The following AKAP6 variants were observed in gnomAD, a reference collection of about 807,000 sequenced individuals.
AKAP6 encodes A-kinase anchor protein 6.
Under a neutral mutation model 188.5 loss-of-function variants are expected in AKAP6, and 58 were observed. The ratio of observed to expected loss-of-function variants is 0.31; its 90% CI spans 0.25 to 0.38. The LOEUF (loss-of-function observed/expected upper bound fraction) is 0.38, where lower values mean the gene tolerates loss of function less well. Among genes scored for constraint, AKAP6 ranks in the 10% least tolerant of loss-of-function variants. AKAP6 has a pLI of 1.00. For missense variants in AKAP6, 2,710 were observed against 2,740.0 expected (o/e 0.99, Z 0.24); for synonymous variants, 989 against 998.6 (o/e 0.99, Z 0.18).
chr14:32,745,265 T>G lies in AKAP6; in HGVS notation c.3372+9383T>G, dbSNP rs370146011. On this transcript the variant is annotated intron_variant, in intron 11 of 13. Transcript: ENST00000280979. ...CTTCTTGGGAAGGCTTTCCAGATAT[T>G]TGAAATGACTAGGGTGTTGTGATCT... Among the ~76,000 whole-genome samples, 90 of 152,216 alleles carry G rather than the reference T, an allele frequency of 5.9e-4. 1 individual carries two copies. Among genetic ancestry groups the G allele is most frequent in the African/African-American group, 2.1e-3 (86 of 41,554 alleles).
chr14:32,657,329 A>G (rs1888497426), intron 7 of AKAP6, among the ~76,000 whole-genome samples: 1 of 152,178 alleles, frequency 6.6e-6, no homozygotes, highest in Admixed American at 6.6e-5. Context: ...GAACAAGAAG[A>G]GAGAAGCGCA....
At chr14:32,600,840 T>C in intron 7 of AKAP6, 48 bp downstream of exon 7, 1 of 1,543,072 alleles carries the variant, frequency 6.5e-7, no homozygotes, top group East Asian at 2.3e-5. Context: ...CTGTCTTCTT[T>C]TGAACTAGGC....
At chr14:32,746,227 C>G (rs2031904664) in intron 11 of AKAP6, among the ~76,000 whole-genome samples, 1 of 152,096 alleles carries the variant, frequency 6.6e-6, no homozygotes, top group Non-Finnish European at 1.5e-5. Flanking sequence ...CTGCTCTCCT[C>G]AAGCAGAAGG....
intron 4 of AKAP6, among the ~76,000 whole-genome samples, chr14:32,548,300 CCATGTTGGCCAGGCTAGTCTCGAA>C (rs1237971997): frequency 1.3e-5 from 2 of 152,000 alleles, no homozygotes; most frequent in Non-Finnish European, 2.9e-5. Flanking sequence ...CGGGGTTTCG[CCATGTTGGCCAGGCTAGTCTCGAA>C]CTCCTGACCT....
Position 32,568,793 on chromosome 14 carries a change from A to G in AKAP6, c.2347-8327A>G, listed in dbSNP as rs1012762042. 1.3e-5 allele frequency among the ~76,000 whole-genome samples: 2 copies of G among 152,212 alleles called. No individual in the cohort carries two copies. The highest frequency in any genetic ancestry group is 2.9e-5 in the Non-Finnish European group (2 of 68,034). ...AATATTGTATCATAGGGTTGTTGTA[A>G]GGATTATGTAAGTGCCTGGTGTGTA... On this transcript the variant is annotated intron_variant, in intron 4 of 13. Coordinates refer to ENST00000280979, the MANE Select transcript of AKAP6 (RefSeq NM_004274.5). This position sits in a 1 kb window ranked among gnomAD's most constrained non-coding sequence, Gnocchi z 6.2.
intron 9 of AKAP6, among the ~76,000 whole-genome samples, chr14:32,713,997 TAG>T (rs1431320626): frequency 2.0e-5 from 3 of 152,012 alleles, no homozygotes; most frequent in Admixed American, 6.6e-5. Flanking sequence ...GCTTTTCATT[TAG>T]AGTGACTCTT....
chr14:32,797,705 C>A (rs2033813175), intron 12 of AKAP6, among the ~76,000 whole-genome samples: 1 of 151,818 alleles, frequency 6.6e-6, no homozygotes. Flanking sequence ...ATGATCTGTG[C>A]AGCAAACCAC....
intron 2 of AKAP6, among the ~76,000 whole-genome samples, chr14:32,530,354 C>G (rs1001987236): frequency 2.0e-5 from 3 of 151,292 alleles, no homozygotes; most frequent in Non-Finnish European, 3.0e-5. Context: ...TTCTTTCCTT[C>G]TTTTTTTTTG....
At chr14:32,584,755 C>T (rs542017260) in intron 5 of AKAP6, among the ~76,000 whole-genome samples, 16 of 152,102 alleles carry the variant, frequency 1.1e-4, no homozygotes, top group South Asian at 1.0e-3. Context: ...GTATTTTTTT[C>T]GGTCTGTCTT....
intron 11 of AKAP6, among the ~76,000 whole-genome samples, chr14:32,738,320 T>C (rs1342162425): frequency 1.3e-5 from 2 of 152,032 alleles, no homozygotes; most frequent in African/African-American, 4.8e-5. Context: ...AGACTCCAAA[T>C]GGGAAGATAT....
chr14:32,445,589 C>T (rs1890728462), intron 2 of AKAP6, among the ~76,000 whole-genome samples: 1 of 152,066 alleles, frequency 6.6e-6, no homozygotes, highest in Admixed American at 6.5e-5. Flanking sequence ...GTTGGCCAGG[C>T]TGGTCTTGAA....
chr14:32,535,005 A>C (rs932880324), intron 2 of AKAP6, among the ~76,000 whole-genome samples: 5 of 147,226 alleles, frequency 3.4e-5, no homozygotes, highest in South Asian at 2.1e-4. Context: ...AAAAAAAAAA[A>C]CACTGAATTT....
chr14:32,764,934 T>G (rs1441661804), intron 11 of AKAP6, among the ~76,000 whole-genome samples: 3 of 73,550 alleles, frequency 4.1e-5, no homozygotes, highest in African/African-American at 2.8e-4. Context: ...CAAGTGAATC[T>G]TTTTTTTTTT....
chr14:32,595,005 T>A (rs1250035918), intron 5 of AKAP6, among the ~76,000 whole-genome samples: 1 of 152,074 alleles, frequency 6.6e-6, no homozygotes, highest in African/African-American at 2.4e-5. Flanking sequence ...GAGAAAAACT[T>A]AAAAAGACAG....
chr14:32,558,466 T>A (rs1444768479), intron 4 of AKAP6, among the ~76,000 whole-genome samples: 1 of 152,074 alleles, frequency 6.6e-6, no homozygotes, highest in Non-Finnish European at 1.5e-5. Context: ...GGAGAGGGAA[T>A]ACTTGATCTG....
intron 1 of AKAP6, among the ~76,000 whole-genome samples, chr14:32,352,646 T>C (rs1323277140): frequency 6.6e-6 from 1 of 152,180 alleles, no homozygotes; most frequent in East Asian, 1.9e-4. Flanking sequence ...CACAAATGAG[T>C]GCGATCATGT....
At chr14:32,555,985 T>G (rs1469856894) in intron 4 of AKAP6, among the ~76,000 whole-genome samples, 1 of 151,930 alleles carries the variant, frequency 6.6e-6, no homozygotes, top group Non-Finnish European at 1.5e-5. Flanking sequence ...GATGTTTTTT[T>G]TTTTTGAGGA....
At chr14:32,406,038 G>A (rs1271953879) in intron 1 of AKAP6, among the ~76,000 whole-genome samples, 5 of 152,216 alleles carry the variant, frequency 3.3e-5, no homozygotes, top group Non-Finnish European at 7.3e-5. Context: ...GGAATAGGTA[G>A]CACTCTGGAG....
At chr14:32,825,317 C>A (rs2034647144) in intron 13 of AKAP6, among the ~76,000 whole-genome samples, 1 of 152,164 alleles carries the variant, frequency 6.6e-6, no homozygotes, top group African/African-American at 2.4e-5. Context: ...GTCACATTTG[C>A]TTCCCCAGTG....
Sources: allele counts gnomAD v4.1 joint callset (sites outside exome capture counted in the v4.1 genomes callset), GRCh38; gene constraint gnomAD v4.1.1; non-coding constraint Gnocchi (gnomAD v3.1); transcripts MANE v1.5; gene names NCBI Gene and HGNC (gene_info 2026-07-23, HGNC 2026-07-21).